TXK: variants seen among roughly 807,000 people sequenced by gnomAD.
TXK encodes tyrosine-protein kinase TXK.
A neutral mutation model predicts 81.0 loss-of-function variants in TXK; 60 were observed. The observed-to-expected ratio is 0.74, with a 90% CI of 0.60 to 0.92. TXK has a LOEUF of 0.92. Among genes scored for constraint, TXK ranks in the 40% least tolerant of loss-of-function variants. The pLI, the probability that TXK is intolerant of heterozygous loss-of-function variation, is 0.00. For synonymous variants in TXK, 203 were observed against 210.7 expected, an observed-to-expected ratio of 0.96 and a Z score of 0.32; for missense variants, 581 against 638.3, an observed-to-expected ratio of 0.91 and a Z score of 0.97.
intron 1 of TXK, among the ~76,000 whole-genome samples, chr4:48,124,643 C>T (rs1041437784): frequency 6.6e-6 from 1 of 151,968 alleles, no homozygotes; most frequent in Non-Finnish European, 1.5e-5. Context: ...CTGACCGTGA[C>T]CTTTTGACTG....
chr4:48,079,965 T>A lies in TXK; in HGVS notation c.1120A>T (p.Ile374Leu). Residue 374 changes from isoleucine (I) to leucine (L), a missense_variant, in exon 11 of 15, where the codon ATA becomes TTA. Ile to Leu is a conservative substitution (Grantham distance 5). Transcript: ENST00000264316. Reference sequence around the variant, plus strand: ...TCCAGATATTCCATTCCTTCACATATATCCTGGCATACACTCAGTAGCATT... The same window carrying A: ...TCCAGATATTCCATTCCTTCACATAAATCCTGGCATACACTCAGTAGCATT... ...KEMLLSVCQD[I>L]CEGMEYLERN... 2 of 1,614,008 alleles carry A rather than the reference T, an allele frequency of 1.2e-6. No homozygotes were observed. The highest frequency in any genetic ancestry group is 1.7e-6 in the Non-Finnish European group (2 of 1,179,940).
At chr4:48,098,332 G>A (rs918203741) in intron 6 of TXK, among the ~76,000 whole-genome samples, 2 of 152,110 alleles carry the variant, frequency 1.3e-5, no homozygotes, top group Middle Eastern at 3.2e-3. Context: ...CCATGACCAA[G>A]AAGAATTGCA....
intron 5 of TXK, among the ~76,000 whole-genome samples, chr4:48,105,860 T>TG (rs2109459460): frequency 6.6e-6 from 1 of 152,282 alleles, no homozygotes; most frequent in Non-Finnish European, 1.5e-5. Context: ...CCCCCAATCA[T>TG]GCTGTTTTTC....
intron 1 of TXK, among the ~76,000 whole-genome samples, chr4:48,133,786 T>A (rs1465337279): frequency 6.6e-6 from 1 of 152,200 alleles, no homozygotes; most frequent in Non-Finnish European, 1.5e-5. Flanking sequence ...CCCACTGTGA[T>A]CCACCACTGC....
chr4:48,091,650 C>T (rs1301020196), intron 8 of TXK, among the ~76,000 whole-genome samples: 2 of 152,144 alleles, frequency 1.3e-5, no homozygotes, highest in African/African-American at 4.8e-5. Flanking sequence ...AGATTACAGG[C>T]ATGCGCCACC....
At chr4:48,107,388 C>T (rs1043567689) in intron 5 of TXK, among the ~76,000 whole-genome samples, 1 of 151,378 alleles carries the variant, frequency 6.6e-6, no homozygotes, top group Non-Finnish European at 1.5e-5. Context: ...ACCCCACCCT[C>T]CCCCCAAAAC....
At chr4:48,099,034 CTAAG>C (rs1178954581) in intron 6 of TXK, among the ~76,000 whole-genome samples, 1 of 152,074 alleles carries the variant, frequency 6.6e-6, no homozygotes, top group Non-Finnish European at 1.5e-5. Flanking sequence ...GCCAATTCAA[CTAAG>C]TGAGAGGCAA....
intron 8 of TXK, among the ~76,000 whole-genome samples, chr4:48,093,078 G>A (rs542763894): frequency 6.6e-6 from 1 of 152,180 alleles, no homozygotes; most frequent in East Asian, 1.9e-4. Context: ...GGAATATAAA[G>A]GAGAAAACTC....
At chr4:48,112,654 G>A in intron 3 of TXK, 142 bp from the exon 4 acceptor site, 1 of 790,950 alleles carries the variant, frequency 1.3e-6, no homozygotes, top group Non-Finnish European at 1.9e-6. Flanking sequence ...GATAAATGTA[G>A]AAAAGGACTA....
chr4:48,106,389 T>G (rs1482099712), intron 5 of TXK, among the ~76,000 whole-genome samples: 1 of 77,414 alleles, frequency 1.3e-5, no homozygotes, highest in Non-Finnish European at 2.1e-5. Context: ...GTTAGAAGGG[T>G]TTTTTTTTTT....
intron 5 of TXK, among the ~76,000 whole-genome samples, chr4:48,110,289 C>T (rs942342822): frequency 2.0e-5 from 3 of 152,052 alleles, no homozygotes; most frequent in African/African-American, 7.2e-5. Context: ...AAAATAAGTG[C>T]CAGATGAGTG....
intron 13 of TXK, among the ~76,000 whole-genome samples, chr4:48,072,685 G>C (rs1287498895): frequency 6.6e-6 from 1 of 152,224 alleles, no homozygotes; most frequent in Non-Finnish European, 1.5e-5. Flanking sequence ...ATCAATCCAT[G>C]TGCCTAAGGA....
intron 5 of TXK, among the ~76,000 whole-genome samples, chr4:48,110,020 T>C (rs970984129): frequency 2.6e-5 from 4 of 152,204 alleles, no homozygotes; most frequent in Non-Finnish European, 4.4e-5. Context: ...AATGAGGGGC[T>C]AAAAAAGTGA....
intron 1 of TXK, among the ~76,000 whole-genome samples, chr4:48,115,165 G>A (rs1262758359): frequency 1.3e-5 from 2 of 151,958 alleles, no homozygotes; most frequent in South Asian, 2.1e-4. Context: ...AGCCCCGCAT[G>A]CATTAGGTAT....
At chr4:48,097,161 AATAG>A (rs2109439918) in intron 6 of TXK, among the ~76,000 whole-genome samples, 1 of 152,256 alleles carries the variant, frequency 6.6e-6, no homozygotes, top group South Asian at 2.1e-4. Flanking sequence ...AGGGAAAAAT[AATAG>A]ATAAACTGCT....
intron 1 of TXK, among the ~76,000 whole-genome samples, chr4:48,121,167 C>A (rs1448674178): frequency 6.6e-6 from 1 of 152,186 alleles, no homozygotes; most frequent in Admixed American, 6.5e-5. Context: ...CTGATGACAT[C>A]AAAATACACA....
chr4:48,128,095 A>G (rs1464613484), intron 1 of TXK, among the ~76,000 whole-genome samples: 1 of 152,174 alleles, frequency 6.6e-6, no homozygotes, highest in East Asian at 1.9e-4. Context: ...TCGCTTCCTC[A>G]TGTCTAATGT....
intron 1 of TXK, among the ~76,000 whole-genome samples, chr4:48,133,733 GTGTGTGTGTGTA>G (rs1311860353): frequency 6.6e-6 from 1 of 152,000 alleles, no homozygotes; most frequent in East Asian, 1.9e-4. Context: ...ATATTTATTT[GTGTGTGTGTGTA>G]TGTGTGTGTA....
At chr4:48,093,846 T>C (rs1717871862) in intron 8 of TXK, among the ~76,000 whole-genome samples, 1 of 152,216 alleles carries the variant, frequency 6.6e-6, no homozygotes, top group Non-Finnish European at 1.5e-5. Flanking sequence ...ATCTATCATT[T>C]TTCTAACCTG....
Sources: gnomAD v4.1 joint callset for allele counts (sites outside exome capture counted in the v4.1 genomes callset) on GRCh38, gnomAD v4.1.1 for gene constraint, MANE v1.5 for transcripts, NCBI Gene and HGNC (gene_info 2026-07-23, HGNC 2026-07-21) for gene names.